ZNF276: variants seen among roughly 807,000 people sequenced by gnomAD.
ZNF276 encodes the protein zinc finger protein 276, also known as centromere protein Z.
In ZNF276, 59 loss-of-function variants were observed where a neutral mutation model predicts 63.9. That is an observed-to-expected ratio of 0.92 (90% CI 0.75 to 1.15). ZNF276 has a LOEUF of 1.15. Ranked by LOEUF, ZNF276 falls within the 50% of genes most tolerant of loss-of-function variation. The probability of loss-of-function intolerance (pLI) is 0.00; values close to 1 mark genes in which losing one functional copy is unlikely to be tolerated. For synonymous variants in ZNF276, 496 were observed against 348.4 expected, an observed-to-expected ratio of 1.42 and a Z score of -4.72; for missense variants, 1,084 against 843.8, an observed-to-expected ratio of 1.28 and a Z score of -3.53.
intron 4 of ZNF276, among the ~76,000 whole-genome samples, chr16:89,724,700 G>C (rs188367173): frequency 1.3e-5 from 2 of 152,196 alleles, no homozygotes; most frequent in African/African-American, 4.8e-5. Context: ...GCACAGATGA[G>C]ACAGTGCGGC....
chr16:89,738,101 A>C lies in ZNF276; in HGVS notation c.1700A>C (p.His567Pro). Reference sequence around the variant, plus strand: ...TGTGGCCGGCGGTTTGAGAAGGCCCACAACCTCAATGTACACATGTCCATG... The same window carrying C: ...TGTGGCCGGCGGTTTGAGAAGGCCCCCAACCTCAATGTACACATGTCCATG... Reference protein sequence around the residue: ...DQCGRRFEKAHNLNVHMSMVH... With the variant: ...DQCGRRFEKAPNLNVHMSMVH... Residue 567 changes from histidine (H) to proline (P), a missense_variant, in exon 11 of 11, where the codon CAC becomes CCC. Coordinates refer to ENST00000443381, the MANE Select transcript of ZNF276 (RefSeq NM_001113525.2). The C allele has an allele frequency of 6.2e-7, 1 of 1,614,004 alleles. No individual in the cohort carries two copies. Among genetic ancestry groups the C allele is most frequent in the Non-Finnish European group, 8.5e-7 (1 of 1,180,046 alleles).
rs756394720 is a variant in ZNF276 at position 89,737,906 on chromosome 16, G to A, written c.1574+1G>A. 13 of 1,594,468 alleles carry A rather than the reference G, an allele frequency of 8.2e-6. No homozygotes were observed. The highest frequency in any genetic ancestry group is 1.0e-5 in the Non-Finnish European group (12 of 1,177,010). ...GACATTCGGGAGCCAAGCCTTTGCAGTAAGTGTGAGTCAGGACCCCCTCCC... is the reference window on the plus strand; with the variant it reads ...GACATTCGGGAGCCAAGCCTTTGCAATAAGTGTGAGTCAGGACCCCCTCCC... On this transcript the variant is annotated splice_donor_variant, in intron 10 of 10. Coordinates refer to ENST00000443381, the MANE Select transcript of ZNF276 (RefSeq NM_001113525.2). LOFTEE classifies it high-confidence loss of function.
chr16:89,737,781 G>T, intron 9 of ZNF276, 25 bp from the exon 10 acceptor site: 1 of 1,614,006 alleles, frequency 6.2e-7, no homozygotes, highest in South Asian at 1.1e-5. Context: ...CAGGGGCCTG[G>T]ACTCACTGGA....
At chr16:89,723,801 A>AGGTG (rs1225929424) in intron 4 of ZNF276, 92 bp downstream of exon 4, 10 of 1,309,678 alleles carry the variant, frequency 7.6e-6, no homozygotes, top group East Asian at 5.0e-5. Context: ...CCACTGCTCT[A>AGGTG]GGTGGTGGCT....
intron 9 of ZNF276, 29 bp downstream of exon 9, chr16:89,734,067 G>A (rs772420652): frequency 2.1e-5 from 34 of 1,603,828 alleles, no homozygotes; most frequent in African/African-American, 9.4e-5. Context: ...TCGCCCACGC[G>A]GGTGACAGCC....
chr16:89,734,775 C>G (rs1402724446), intron 9 of ZNF276, among the ~76,000 whole-genome samples: 1 of 152,168 alleles, frequency 6.6e-6, no homozygotes, highest in Non-Finnish European at 1.5e-5. Context: ...GGAATTATGA[C>G]TGAGGGTGCT....
At chr16:89,736,246 C>A (rs192435777) in intron 9 of ZNF276, among the ~76,000 whole-genome samples, 1 of 151,854 alleles carries the variant, frequency 6.6e-6, no homozygotes, top group Non-Finnish European at 1.5e-5. Context: ...AGGCTGGTCT[C>A]GAGTTCCTGA....
Position 89,733,426 on chromosome 16 carries a change from C to T in ZNF276, c.1280+14C>T, listed in dbSNP as rs553561341. On this transcript the variant is annotated intron_variant, in intron 7 of 10. Transcript: ENST00000443381. ...TCGTTGTGAGAGGTGATGCCTGCAA[C>T]GCGAGGCTCGCCCTGCCTGTCGGGG... 1.7e-5 allele frequency: 27 copies of T among 1,613,980 alleles called. No homozygotes were observed. The highest frequency in any genetic ancestry group is 6.7e-5 in the African/African-American group (5 of 75,040).
Position 89,733,319 on chromosome 16 carries a change from G to A in ZNF276, c.1187G>A (p.Ser396Asn), listed in dbSNP as rs757046905. 1.9e-6 allele frequency: 3 copies of A among 1,613,990 alleles called. No individual in the cohort carries two copies. The highest frequency in any genetic ancestry group is 2.5e-6 in the Non-Finnish European group (3 of 1,180,036). Residue 396 changes from serine (S) to asparagine (N), a missense_variant, in exon 7 of 11, where the codon AGT becomes AAT. By Grantham distance (46) the Ser-to-Asn change is conservative (BLOSUM62 1). Transcript: ENST00000443381. Reference sequence around the variant, plus strand: ...TTTTTCAGAGTCTCTGGTAAGAAGAGTGAAAGCAAAGAAGCCAAGAAGTCT... The same window carrying A: ...TTTTTCAGAGTCTCTGGTAAGAAGAATGAAAGCAAAGAAGCCAAGAAGTCT... Reference protein sequence around the residue: ...YPERKVSGKKSESKEAKKSEE... With the variant: ...YPERKVSGKKNESKEAKKSEE...
At chr16:89,720,952 C>T (rs778623296), upstream of ZNF276, 225 of 1,174,592 alleles carry the variant, frequency 1.9e-4, no homozygotes, top group Non-Finnish European at 2.2e-4. Flanking sequence ...GCTGGAGCCG[C>T]CCGAGCAGCG....
In ZNF276 at chr16:89,739,606, A is replaced by T; in HGVS notation, c.*1360A>T. 17 of 1,538,242 alleles carry T rather than the reference A, an allele frequency of 1.1e-5. No homozygotes were observed. Among genetic ancestry groups the T allele is most frequent in the Non-Finnish European group, 1.4e-5 (16 of 1,135,740 alleles). On this transcript the variant is annotated 3_prime_UTR_variant, in exon 11 of 11. Coordinates refer to ENST00000443381, the MANE Select transcript of ZNF276 (RefSeq NM_001113525.2). Reference sequence around the variant, plus strand: ...ACTCTGGACATCTCTGCCTATTATCAGTGCTGGGGACACCCCTGGGGGTCG... The same window carrying T: ...ACTCTGGACATCTCTGCCTATTATCTGTGCTGGGGACACCCCTGGGGGTCG...
rs898234601 is a variant in ZNF276, at chr16:89,740,164, C to T, written c.*1918C>T. ...TGGTGCTCCCATGGGTAGGAGGGTA[C>T]AGCCCTCAGCACAGAAGAGGGCATT... is the stretch of plus-strand genomic sequence containing the variant. On this transcript the variant is annotated 3_prime_UTR_variant, in exon 11 of 11. Coordinates refer to ENST00000443381, the MANE Select transcript of ZNF276 (RefSeq NM_001113525.2). 3.2e-6 allele frequency: 4 copies of T among 1,242,570 alleles called. No homozygotes were observed. Among genetic ancestry groups the T allele is most frequent in the Admixed American group, 1.7e-5 (1 of 59,514 alleles). 77.0% of individuals were successfully genotyped at this position (1,242,570 alleles called of 1,614,324 possible). A position where few individuals can be genotyped will look rare whatever the true frequency, so the allele number is the denominator to read the frequency against.
intron 5 of ZNF276, among the ~76,000 whole-genome samples, chr16:89,729,018 G>A (rs1028133945): frequency 3.3e-5 from 5 of 152,380 alleles, no homozygotes; most frequent in African/African-American, 9.6e-5. Flanking sequence ...GGTGCCCAGA[G>A]CACATGGCTT....
chr16:89,739,322 A>G lies in ZNF276; in HGVS notation c.*1076A>G. The G allele has an allele frequency of 1.2e-6, 2 of 1,613,626 alleles. No individual in the cohort carries two copies. Among genetic ancestry groups the G allele is most frequent in the African/African-American group, 1.3e-5 (1 of 75,058 alleles). On this transcript the variant is annotated 3_prime_UTR_variant, in exon 11 of 11. Coordinates refer to ENST00000443381, the MANE Select transcript of ZNF276 (RefSeq NM_001113525.2). ...TAAAGACATAGTGACAAATGGCTAC[A>G]GACTGCTGGAAAGGTAGCAGGTGAT...
At chr16:89,736,106 T>C (rs2061870152) in intron 9 of ZNF276, among the ~76,000 whole-genome samples, 1 of 152,148 alleles carries the variant, frequency 6.6e-6, no homozygotes, top group African/African-American at 2.4e-5. Context: ...TTAGTGAGGC[T>C]GGTCTCAATC....
intron 4 of ZNF276, among the ~76,000 whole-genome samples, chr16:89,724,449 C>T (rs377116425): frequency 1.3e-5 from 2 of 152,166 alleles, no homozygotes; most frequent in African/African-American, 4.8e-5. Context: ...GAGATCAAGA[C>T]CAACCTGGCC....
At chr16:89,730,830 C>G (rs1225868061) in intron 6 of ZNF276, among the ~76,000 whole-genome samples, 2 of 152,206 alleles carry the variant, frequency 1.3e-5, no homozygotes, top group East Asian at 1.9e-4. Flanking sequence ...CTTGTCAACC[C>G]TGACCTTGGA....
intron 4 of ZNF276, 146 bp downstream of exon 4, chr16:89,723,855 C>T (rs914290669): frequency 3.6e-5 from 33 of 904,888 alleles, no homozygotes; most frequent in Non-Finnish European, 4.7e-5. Flanking sequence ...CTTCTGCCTG[C>T]GGCTGCTCAC....
At chr16:89,735,570 T>G (rs1017164180) in intron 9 of ZNF276, among the ~76,000 whole-genome samples, 18 of 152,066 alleles carry the variant, frequency 1.2e-4, no homozygotes, top group Non-Finnish European at 1.2e-4. Context: ...AACCAGCAGT[T>G]CCTTAAAAAC....
Sources: allele counts gnomAD v4.1 joint callset (sites outside exome capture counted in the v4.1 genomes callset), GRCh38; gene constraint gnomAD v4.1.1; transcripts MANE v1.5; gene names NCBI Gene and HGNC (gene_info 2026-07-23, HGNC 2026-07-21).